Variants in FARS2 observed in about 807,000 individuals in gnomAD.
FARS2 encodes phenylalanyl-tRNA synthetase 2, mitochondrial.
In FARS2, 40 loss-of-function variants were observed where a neutral mutation model predicts 46.4. The observed-to-expected ratio is 0.86, with a 90% CI of 0.67 to 1.12. The LOEUF (loss-of-function observed/expected upper bound fraction) is 1.12. Among genes scored for constraint, FARS2 ranks in the 50% most tolerant of loss-of-function variants. The pLI is 0.00. For synonymous variants in FARS2, 234 were observed against 214.9 expected, an observed-to-expected ratio of 1.09 and a Z score of -0.78; for missense variants, 513 against 567.9, an observed-to-expected ratio of 0.90 and a Z score of 0.98.
chr6:5,393,805 G>A (rs901509664), intron 2 of FARS2, among the ~76,000 whole-genome samples: 2 of 152,240 alleles, frequency 1.3e-5, no homozygotes, highest in South Asian at 2.1e-4. Flanking sequence ...TCCTCCTTGC[G>A]TGAGGATGGA....
chr6:5,330,225 A>G (rs988473884), intron 1 of FARS2, among the ~76,000 whole-genome samples: 2 of 152,234 alleles, frequency 1.3e-5, no homozygotes, highest in African/African-American at 2.4e-5. Context: ...AACCTGGGAC[A>G]GTCAGCAAAT....
intron 5 of FARS2, among the ~76,000 whole-genome samples, chr6:5,597,263 G>A (rs974529003): frequency 1.3e-5 from 2 of 152,208 alleles, no homozygotes; most frequent in Non-Finnish European, 2.9e-5. Context: ...CTTGCTGGAT[G>A]GAAGGTGTGG....
intron 5 of FARS2, among the ~76,000 whole-genome samples, chr6:5,550,140 A>G (rs1281431990): frequency 1.3e-5 from 2 of 152,188 alleles, no homozygotes; most frequent in Non-Finnish European, 2.9e-5. Flanking sequence ...TGAAAGGAGA[A>G]GAAAAAGAAT....
intron 1 of FARS2, among the ~76,000 whole-genome samples, chr6:5,267,231 C>T (rs930731643): frequency 6.6e-6 from 1 of 151,164 alleles, no homozygotes; most frequent in African/African-American, 2.4e-5. Context: ...CAAACCCCGA[C>T]CACCATGAGA....
At chr6:5,387,703 G>T (rs1017322563) in intron 2 of FARS2, among the ~76,000 whole-genome samples, 2 of 152,126 alleles carry the variant, frequency 1.3e-5, no homozygotes, top group Non-Finnish European at 2.9e-5. Context: ...TGTGATGGGG[G>T]TCTCTGCTCC....
chr6:5,394,028 G>C (rs538849711), intron 2 of FARS2, among the ~76,000 whole-genome samples: 1 of 152,316 alleles, frequency 6.6e-6, no homozygotes, highest in South Asian at 2.1e-4. Context: ...TTTCTCCTTG[G>C]CTTGAGTAGA....
intron 4 of FARS2, among the ~76,000 whole-genome samples, chr6:5,461,506 T>C (rs1765241035): frequency 6.6e-6 from 1 of 152,184 alleles, no homozygotes; most frequent in Non-Finnish European, 1.5e-5. Flanking sequence ...AAAAGTTTCC[T>C]CATGCCCATG....
intron 2 of FARS2, among the ~76,000 whole-genome samples, chr6:5,377,335 C>T (rs1208053286): frequency 1.3e-5 from 2 of 152,170 alleles, no homozygotes; most frequent in Non-Finnish European, 1.5e-5. Context: ...GACAGGCATT[C>T]CGCAGGTTGT....
chr6:5,535,835 A>G (rs923007352), intron 4 of FARS2, among the ~76,000 whole-genome samples: 2 of 96,230 alleles, frequency 2.1e-5, no homozygotes, highest in Middle Eastern at 5.4e-3. Flanking sequence ...TATTACATTG[A>G]TTGATTTTTA....
At chr6:5,432,853 C>T (rs943937912) in intron 4 of FARS2, among the ~76,000 whole-genome samples, 3 of 152,046 alleles carry the variant, frequency 2.0e-5, no homozygotes, top group South Asian at 2.1e-4. Flanking sequence ...CAGAGAGTGA[C>T]GAGACAGGGT....
At chr6:5,433,217 T>C (rs1246173559) in intron 4 of FARS2, among the ~76,000 whole-genome samples, 1 of 152,146 alleles carries the variant, frequency 6.6e-6, no homozygotes, top group Non-Finnish European at 1.5e-5. Context: ...AGCCTTGGCT[T>C]TCTCATGCTT....
Position 5,368,546 on chromosome 6 carries a change from C to G in FARS2, c.-21-4C>G, listed in dbSNP as rs1758823722. 1 of 1,584,636 alleles carries G rather than the reference C, an allele frequency of 6.3e-7. No homozygotes were observed. The highest frequency in any genetic ancestry group is 2.2e-5 in the East Asian group (1 of 44,596). ...CTTGTGCTTTGCCTGTGTGCTCTTT[C>G]CAGAACCTGTGAGAAGTTTCTACAA... On this transcript the variant is annotated splice_region_variant and splice_polypyrimidine_tract_variant and intron_variant, in intron 1 of 6. Transcript: ENST00000274680.
chr6:5,688,684 A>C (rs544305460), intron 6 of FARS2, among the ~76,000 whole-genome samples: 1 of 152,302 alleles, frequency 6.6e-6, no homozygotes, highest in Non-Finnish European at 1.5e-5. Context: ...TGTCTCTGCC[A>C]GGCTTTGGTA....
At chr6:5,259,338 T>C (rs1380166354), upstream of FARS2, among the ~76,000 whole-genome samples, 6 of 147,764 alleles carry the variant, frequency 4.1e-5, no homozygotes, top group Admixed American at 4.0e-4. Flanking sequence ...GGTTAATTCT[T>C]GCTAAAATTC....
At chr6:5,260,838 C>T, upstream of FARS2, 9 of 1,510,152 alleles carry the variant, frequency 6.0e-6, no homozygotes, top group South Asian at 7.4e-5. Context: ...AAATAAAATG[C>T]TGCGGCTCGG....
chr6:5,679,577 C>G (rs1778929971), intron 6 of FARS2, among the ~76,000 whole-genome samples: 1 of 152,166 alleles, frequency 6.6e-6, no homozygotes, highest in East Asian at 1.9e-4. Context: ...CCTCTTTTCC[C>G]AGGGTCTCCT....
chr6:5,430,890 C>A, intron 3 of FARS2, 151 bp from the exon 4 acceptor site: 1 of 656,566 alleles, frequency 1.5e-6, no homozygotes, highest in Non-Finnish European at 2.4e-6. Context: ...GATTTATTGC[C>A]TCACCCTAAC....
chr6:5,709,038 T>C (rs1390445385), intron 6 of FARS2, among the ~76,000 whole-genome samples: 1 of 152,226 alleles, frequency 6.6e-6, no homozygotes, highest in African/African-American at 2.4e-5. Context: ...TGAACAACAG[T>C]AAACAGGTCT....
chr6:5,355,914 T>TA (rs1757891327), intron 1 of FARS2, among the ~76,000 whole-genome samples: 1 of 152,198 alleles, frequency 6.6e-6, no homozygotes, highest in South Asian at 2.1e-4. Context: ...GCCTGCTCTC[T>TA]AAAATCTGTT....
Sources: allele counts gnomAD v4.1 joint callset (sites outside exome capture counted in the v4.1 genomes callset), GRCh38; gene constraint gnomAD v4.1.1; transcripts MANE v1.5; gene names NCBI Gene and HGNC (gene_info 2026-07-23, HGNC 2026-07-21).